Variants in ITPRID1 observed in about 807,000 individuals in gnomAD.
The protein encoded by ITPRID1 is protein ITPRID1.
Under a neutral mutation model 95.4 loss-of-function variants are expected in ITPRID1, and 96 were observed. The observed-to-expected ratio is 1.01, with a 90% CI of 0.85 to 1.19. The LOEUF (loss-of-function observed/expected upper bound fraction) is 1.19. Among genes scored for constraint, ITPRID1 ranks in the 50% most tolerant of loss-of-function variants. The pLI is 0.00. For synonymous variants in ITPRID1, 510 were observed against 453.6 expected (o/e 1.12, Z -1.58); for missense variants, 1,339 against 1,252.9 (o/e 1.07, Z -1.04).
At position 31,610,741 on chromosome 7, in the gene ITPRID1, AATATG is replaced by A. The variant is rs761983155; in HGVS notation, c.1228+27560_1228+27564del. ...TTATCTTATTGTCTATATAATAGGT[AATATG>A]ATATGATATAGTATATAAAAATATA... is the stretch of plus-strand genomic sequence containing the variant. On this transcript the variant is annotated intron_variant, in intron 10 of 14. Coordinates refer to ENST00000615280, the MANE Select transcript of ITPRID1 (RefSeq NM_001257967.3). Among the ~76,000 whole-genome samples, 24 of 151,726 alleles carry A rather than the reference AATATG, an allele frequency of 1.6e-4. No individual in the cohort carries two copies. The East Asian group carries it at 4.2e-3, about 27-fold the overall frequency.
chr7:31,658,179 T>C, downstream of ITPRID1: 1 of 1,145,644 alleles, frequency 8.7e-7, no homozygotes, highest in Non-Finnish European at 1.2e-6. Flanking sequence ...TGTAGATTTG[T>C]GTAAGGATAT....
At chr7:31,632,053 G>A (rs1426854537) in intron 10 of ITPRID1, among the ~76,000 whole-genome samples, 2 of 152,274 alleles carry the variant, frequency 1.3e-5, no homozygotes, top group East Asian at 1.9e-4. Context: ...CTTTCCCTGT[G>A]GCTTATTCTC....
In ITPRID1 at chr7:31,651,273, AT is replaced by A; in HGVS notation, c.2711+6del. 6.2e-7 allele frequency: 1 copy of A among 1,612,466 alleles called. No individual in the cohort carries two copies. Among genetic ancestry groups the A allele is most frequent in the South Asian group, 1.1e-5 (1 of 90,960 alleles). On this transcript the variant is annotated splice_donor_5th_base_variant and intron_variant, in intron 13 of 14. Coordinates refer to ENST00000615280, the MANE Select transcript of ITPRID1 (RefSeq NM_001257967.3). ...GGGACATGTCAGAGGAGGAAAGGTA[AT>A]TACCTAAGGGAGCCATAAAAGTAAG...
chr7:31,587,503 T>G (rs1164962508), intron 10 of ITPRID1, among the ~76,000 whole-genome samples: 1 of 146,500 alleles, frequency 6.8e-6, no homozygotes, highest in Admixed American at 6.8e-5. Flanking sequence ...TACAAACAAA[T>G]GGAAGAACAT....
chr7:31,625,239 C>G (rs996482339), intron 10 of ITPRID1, among the ~76,000 whole-genome samples: 23 of 150,752 alleles, frequency 1.5e-4, no homozygotes, highest in African/African-American at 5.4e-4. Context: ...TCTAGAATTA[C>G]AAATACCATT....
At chr7:31,540,404 G>C (rs1428476312) in intron 1 of ITPRID1, among the ~76,000 whole-genome samples, 1 of 151,982 alleles carries the variant, frequency 6.6e-6, no homozygotes, top group Non-Finnish European at 1.5e-5. Flanking sequence ...AGCTTATTTT[G>C]GAAACTTGTA....
intron 1 of ITPRID1, among the ~76,000 whole-genome samples, chr7:31,541,234 C>T (rs1238264673): frequency 6.6e-6 from 1 of 152,180 alleles, no homozygotes; most frequent in Non-Finnish European, 1.5e-5. Flanking sequence ...AGAAAGATCA[C>T]TCCAGTCTCC....
At chr7:31,565,721 G>C (rs1397670661) in intron 5 of ITPRID1, among the ~76,000 whole-genome samples, 2 of 136,016 alleles carry the variant, frequency 1.5e-5, no homozygotes, top group South Asian at 2.4e-4. Context: ...CTGGGTGACA[G>C]AGCAAGACTC....
chr7:31,615,460 T>C, intron 10 of ITPRID1, among the ~76,000 whole-genome samples: 1 of 152,186 alleles, frequency 6.6e-6, no homozygotes. Flanking sequence ...TGGCAGTTAG[T>C]TATTAGTACT....
intron 11 of ITPRID1, 131 bp from the exon 12 acceptor site, chr7:31,642,551 A>G (rs1205675571): frequency 1.2e-6 from 1 of 806,912 alleles, no homozygotes; most frequent in Non-Finnish European, 1.9e-6. Flanking sequence ...AGAGGTAAAC[A>G]GATGCAAAAC....
chr7:31,533,349 G>A (rs958273964), intron 1 of ITPRID1, among the ~76,000 whole-genome samples: 3 of 152,114 alleles, frequency 2.0e-5, no homozygotes, highest in Admixed American at 6.5e-5. Flanking sequence ...ATCTGCTGTG[G>A]TATCTTCCTG....
chr7:31,553,615 C>T (rs1264814834), intron 3 of ITPRID1, among the ~76,000 whole-genome samples: 1 of 152,140 alleles, frequency 6.6e-6, no homozygotes, highest in African/African-American at 2.4e-5. Context: ...TCCAGCACTC[C>T]CTGCCCCCAT....
At chr7:31,530,303 A>G (rs1189647029) in intron 1 of ITPRID1, among the ~76,000 whole-genome samples, 3 of 152,214 alleles carry the variant, frequency 2.0e-5, no homozygotes. Context: ...GAAAAAGCTA[A>G]AGAAATGAAC....
chr7:31,600,390 A>C (rs1245007979), intron 10 of ITPRID1, among the ~76,000 whole-genome samples: 3 of 152,228 alleles, frequency 2.0e-5, no homozygotes, highest in Admixed American at 6.5e-5. Flanking sequence ...ACATTTCAAT[A>C]AAGGGGATTG....
intron 7 of ITPRID1, 56 bp downstream of exon 7, chr7:31,572,244 T>A: frequency 9.0e-7 from 1 of 1,116,578 alleles, no homozygotes; most frequent in Non-Finnish European, 1.3e-6. Context: ...CAACAATGGA[T>A]TTCATGAAAT....
At chr7:31,623,602 T>C (rs1216622469) in intron 10 of ITPRID1, among the ~76,000 whole-genome samples, 1 of 147,848 alleles carries the variant, frequency 6.8e-6, no homozygotes, top group Non-Finnish European at 1.5e-5. Flanking sequence ...ATGGGACGTA[T>C]CTCAAAATAA....
At chr7:31,541,198 A>G (rs1182888596) in intron 1 of ITPRID1, among the ~76,000 whole-genome samples, 1 of 152,184 alleles carries the variant, frequency 6.6e-6, no homozygotes, top group African/African-American at 2.4e-5. Context: ...AAAACAAAGG[A>G]TTAGTAATAT....
At chr7:31,642,578 T>G (rs1790122140) in intron 11 of ITPRID1, 104 bp from the exon 12 acceptor site, 1 of 1,035,006 alleles carries the variant, frequency 9.7e-7, no homozygotes, top group Non-Finnish European at 1.4e-6. Context: ...TTGCAACCCT[T>G]ATCTCCTGAC....
In ITPRID1 at chr7:31,572,223, A is replaced by G. The variant is rs367627833; in HGVS notation, c.395+35A>G. ...TTCCAGGTGCTTTTCATCCTGAGAA[A>G]TCATTCTGTGCAACAATGGATTTCA... On this transcript the variant is annotated intron_variant, in intron 7 of 14. Transcript: ENST00000615280. 1.6e-5 allele frequency: 21 copies of G among 1,336,136 alleles called. No individual in the cohort carries two copies. In the East Asian group the frequency reaches 2.5e-4, roughly 16 times the overall value. The allele number at this position is 1,336,136 out of a possible 1,614,324, so 82.8% of individuals were successfully genotyped here.
Sources: allele counts gnomAD v4.1 joint callset (sites outside exome capture counted in the v4.1 genomes callset), GRCh38; gene constraint gnomAD v4.1.1; transcripts MANE v1.5; gene names NCBI Gene and HGNC (gene_info 2026-07-23, HGNC 2026-07-21).